GORASP1: variants seen among roughly 807,000 people sequenced by gnomAD.
GORASP1 encodes the protein golgi reassembly stacking protein 1, also known as Golgi reassembly-stacking protein 1.
In GORASP1, 31 loss-of-function variants were observed where a neutral mutation model predicts 37.7. The observed-to-expected ratio is 0.82, with a 90% CI of 0.62 to 1.11. The LOEUF (loss-of-function observed/expected upper bound fraction) is 1.11. GORASP1 is among the 50% of genes least tolerant of loss of function. GORASP1 has a pLI of 0.00. For synonymous variants in GORASP1, 204 were observed against 224.8 expected (o/e 0.91, Z 0.83); for missense variants, 476 against 560.7 (o/e 0.85, Z 1.53).
chr3:39,100,989 G>A lies in GORASP1; in HGVS notation c.435+27C>T, dbSNP rs768123536. 2 of 1,613,812 alleles carry A rather than the reference G, an allele frequency of 1.2e-6. No homozygotes were observed. The highest frequency in any genetic ancestry group is 1.7e-6 in the Non-Finnish European group (2 of 1,179,772). On this transcript the variant is annotated intron_variant, in intron 4 of 8. Transcript: ENST00000319283. The surrounding 1 kb of genome is among the most constrained non-coding windows in gnomAD (Gnocchi z 4.6). ...CTTCACACCACATCCAGAGGGTCTGGGGAGGGGCAAATTGCGGGTTCCTCA... is the reference window on the plus strand; with the variant it reads ...CTTCACACCACATCCAGAGGGTCTGAGGAGGGGCAAATTGCGGGTTCCTCA...
At chr3:39,099,814 G>A (rs1419918149) in intron 6 of GORASP1, among the ~76,000 whole-genome samples, 1 of 152,164 alleles carries the variant, frequency 6.6e-6, no homozygotes, top group East Asian at 1.9e-4. Context: ...TTAGAAGAGA[G>A]GGGCTTCCTT....
chr3:39,098,853 G>A lies in GORASP1; in HGVS notation c.957C>T (p.Ser319=). Residue 319 remains serine (S), a synonymous_variant, in exon 8 of 9, where the codon AGC becomes AGT. Transcript: ENST00000319283. The surrounding 1 kb of genome is among the most constrained non-coding windows in gnomAD (Gnocchi z 4.7). The part of the protein sequence containing the change: ...DVSGISLLDN[S]NASVWPSLPS... Reference sequence around the variant, plus strand: ...GCAGGCTGGGCCACACACTGGCATTGCTGTTGTCCAAGAGAGAAATTCCCG... The same window carrying A: ...GCAGGCTGGGCCACACACTGGCATTACTGTTGTCCAAGAGAGAAATTCCCG... The A allele has an allele frequency of 6.2e-7, 1 of 1,614,156 alleles. No homozygotes were observed. Among genetic ancestry groups the A allele is most frequent in the South Asian group, 1.1e-5 (1 of 91,076 alleles).
chr3:39,103,652 A>C lies in GORASP1; in HGVS notation c.64-99T>G. On this transcript the variant is annotated intron_variant, in intron 1 of 8. Transcript: ENST00000319283. This position sits in a 1 kb window ranked among gnomAD's most constrained non-coding sequence, Gnocchi z 5.2. The stretch of plus-strand genomic sequence containing the variant: ...GAACCATCAGCACTCCCAGTGTGCC[A>C]GCCAGAACACATGTCTGGCATGAAC... 1.5e-5 allele frequency: 12 copies of C among 821,262 alleles called. No individual in the cohort carries two copies. Among genetic ancestry groups the C allele is most frequent in the Non-Finnish European group, 2.1e-5 (11 of 517,064 alleles). 50.9% of individuals were successfully genotyped at this position (821,262 alleles called of 1,614,324 possible). A position where few individuals can be genotyped will look rare whatever the true frequency, so the allele number is the denominator to read the frequency against.
In GORASP1 at chr3:39,100,731, C is replaced by T; in HGVS notation, c.566+16G>A. 1 of 1,612,516 alleles carries T rather than the reference C, an allele frequency of 6.2e-7. No individual in the cohort carries two copies. The highest frequency in any genetic ancestry group is 8.5e-7 in the Non-Finnish European group (1 of 1,179,778). On this transcript the variant is annotated intron_variant, in intron 5 of 8. Coordinates refer to ENST00000319283, the MANE Select transcript of GORASP1 (RefSeq NM_031899.4). The surrounding 1 kb of genome is among the most constrained non-coding windows in gnomAD (Gnocchi z 4.6). ...CCACCCACCTGGCCCTGCAGCCCTCCAACCCCACGAAGTACCTGCCCTCTC... is the reference window on the plus strand; with the variant it reads ...CCACCCACCTGGCCCTGCAGCCCTCTAACCCCACGAAGTACCTGCCCTCTC...
chr3:39,104,794 G>C (rs762728464), intron 1 of GORASP1, among the ~76,000 whole-genome samples: 3 of 152,226 alleles, frequency 2.0e-5, no homozygotes, highest in Non-Finnish European at 4.4e-5. Context: ...GTGCGGCCCA[G>C]AAATCAGATC....
Position 39,102,536 on chromosome 3 carries a change from C to G in GORASP1, c.348+142G>C. 1 of 767,622 alleles carries G rather than the reference C, an allele frequency of 1.3e-6. No homozygotes were observed. The highest frequency in any genetic ancestry group is 2.7e-5 in the East Asian group (1 of 37,250). The allele number at this position is 767,622 out of a possible 1,614,324, so 47.6% of individuals were successfully genotyped here. On this transcript the variant is annotated intron_variant, in intron 3 of 8. Transcript: ENST00000319283. This position sits in a 1 kb window ranked among gnomAD's most constrained non-coding sequence, Gnocchi z 5.0. ...TGGGACACTGGAATGAGACCACATC[C>G]TGCCCTCAGTCTTCCCTGGCCACTG... is the stretch of plus-strand genomic sequence containing the variant.
intron 1 of GORASP1, chr3:39,107,278 G>C (rs1575475611): frequency 2.0e-6 from 1 of 506,758 alleles, no homozygotes; most frequent in Admixed American, 3.2e-5. Context: ...GACCGCGGCC[G>C]CGGACTAGCC....
In GORASP1 at chr3:39,098,815, T is replaced by A; in HGVS notation, c.995A>T (p.Glu332Val). 6.2e-7 allele frequency: 1 copy of A among 1,614,148 alleles called. No individual in the cohort carries two copies. Among genetic ancestry groups the A allele is most frequent in the East Asian group, 2.2e-5 (1 of 44,870 alleles). The change falls in exon 8 of 9, where the codon GAA becomes GTA. Residue 332 changes from glutamate to valine, a missense_variant. Physicochemically the swap from Glu to Val is moderately radical, Grantham distance 121. Transcript: ENST00000319283. This position sits in a 1 kb window ranked among gnomAD's most constrained non-coding sequence, Gnocchi z 4.7. ...SVWPSLPSST[E>V]LTTTAVSTSG... ...GGTTGAGACAGCTGTGGTGGTCAGTTCTGTGGAAGAGGGCAGGCTGGGCCA... is the reference window on the plus strand; with the variant it reads ...GGTTGAGACAGCTGTGGTGGTCAGTACTGTGGAAGAGGGCAGGCTGGGCCA...
intron 7 of GORASP1, 122 bp from the exon 8 acceptor site, chr3:39,099,015 CT>C: frequency 7.9e-7 from 1 of 1,268,920 alleles, no homozygotes; most frequent in Non-Finnish European, 1.1e-6. Flanking sequence ...TCCTCAGCCC[CT>C]GGTGATACCC....
In GORASP1 at chr3:39,097,851, A is replaced by G. The variant is rs1048158350; in HGVS notation, c.*385T>C. The G allele has an allele frequency of 4.2e-5, 8 of 190,388 alleles. No individual in the cohort carries two copies. The highest frequency in any genetic ancestry group is 7.5e-5 in the Non-Finnish European group (7 of 93,528). The allele number at this position is 190,388 out of a possible 1,614,324, so 11.8% of individuals were successfully genotyped here. A position where few individuals can be genotyped will look rare whatever the true frequency, so the allele number is the denominator to read the frequency against. On this transcript the variant is annotated 3_prime_UTR_variant, in exon 9 of 9. Transcript: ENST00000319283. ...CATGACAGAGGACTCAGTGTTTGGGACTTGAAAGGGGGTGGTCCCAGGGCT... is the reference window on the plus strand; with the variant it reads ...CATGACAGAGGACTCAGTGTTTGGGGCTTGAAAGGGGGTGGTCCCAGGGCT...
intron 3 of GORASP1, chr3:39,101,399 T>C (rs2035705429): frequency 5.3e-6 from 3 of 571,056 alleles, no homozygotes; most frequent in South Asian, 1.7e-5. Context: ...AAACACATTA[T>C]TGAACCTCTC....
rs1291941693 is a variant in GORASP1 at position 39,100,036 on chromosome 3, C to G, written c.765+269G>C. Among the ~76,000 whole-genome samples, 1 of 152,232 alleles carries G rather than the reference C, an allele frequency of 6.6e-6. No homozygotes were observed. Among genetic ancestry groups the G allele is most frequent in the African/African-American group, 2.4e-5 (1 of 41,462 alleles). ...GTTTTGCCACAACTCACAGGCACAG[C>G]AAGCACCCATCTCTGAGCCTCAGTT... On this transcript the variant is annotated intron_variant, in intron 6 of 8. Coordinates refer to ENST00000319283, the MANE Select transcript of GORASP1 (RefSeq NM_031899.4). The surrounding 1 kb of genome is among the most constrained non-coding windows in gnomAD (Gnocchi z 4.6).
At position 39,100,397 on chromosome 3, in the gene GORASP1, C is replaced by T. The variant is rs34652423; in HGVS notation, c.673G>A (p.Gly225Ser). 4.9e-5 allele frequency: 79 copies of T among 1,613,808 alleles called. No homozygotes were observed. The African/African-American group carries it at 1.0e-3, about 20-fold the overall frequency. Residue 225 changes from glycine (G) to serine (S), a missense_variant, in exon 6 of 9, where the codon GGT (glycine) becomes AGT (serine). Physicochemically the swap from Gly to Ser is moderately conservative, Grantham distance 56 (BLOSUM62 0). Transcript: ENST00000319283. This position sits in a 1 kb window ranked among gnomAD's most constrained non-coding sequence, Gnocchi z 4.6. ...GGTAGAGCATCAGGTGGTGGGGCAC[C>T]AAGTGGTAGAGCAGAAGGTGGTGGG... is the stretch of plus-strand genomic sequence containing the variant. The part of the protein sequence containing the change: ...GTPPPSALPL[G>S]APPPDALPPG...
chr3:39,099,528 G>T, intron 6 of GORASP1, 25 bp from the exon 7 acceptor site: 1 of 1,602,100 alleles, frequency 6.2e-7, no homozygotes, highest in African/African-American at 1.3e-5. Flanking sequence ...GAAATGGGTA[G>T]GGGACAATCA....
rs1308671456 is a variant in GORASP1, at chr3:39,099,434, C to T, written c.835G>A (p.Ala279Thr). ...TGGGGAAGTCCATCAGGGTCTGGAG[C>T]ACTGTGGCTGGGACTCCCAGGCCCA... ...LPGPGSPSHS[A>T]PDPDGLPHFM... Residue 279 changes from alanine (A) to threonine (T), a missense_variant, in exon 7 of 9, where the codon GCT becomes ACT. Transcript: ENST00000319283. The T allele has an allele frequency of 1.9e-6, 3 of 1,612,386 alleles. No homozygotes were observed. The highest frequency in any genetic ancestry group is 2.5e-6 in the Non-Finnish European group (3 of 1,179,322).
rs2035754061 is a variant in GORASP1, at chr3:39,102,078, C to T, written c.348+600G>A. On this transcript the variant is annotated intron_variant, in intron 3 of 8. Transcript: ENST00000319283. This position sits in a 1 kb window ranked among gnomAD's most constrained non-coding sequence, Gnocchi z 5.0. ...GTTGACTTCATTGTTGTGCAAACAT[C>T]ATAGAACTTAACCTACACATAGCCT... 9.4e-6 allele frequency among the ~76,000 whole-genome samples: 1 copy of T among 106,432 alleles called. No homozygotes were observed. The highest frequency in any genetic ancestry group is 7.9e-5 in the Admixed American group (1 of 12,618). 69.8% of individuals were successfully genotyped at this position (106,432 alleles called of 152,430 possible).
chr3:39,104,045 G>A (rs2035885817), intron 1 of GORASP1, among the ~76,000 whole-genome samples: 1 of 152,280 alleles, frequency 6.6e-6, no homozygotes, highest in South Asian at 2.1e-4. Flanking sequence ...TTGCAGCCAG[G>A]TCCCAGCTTG....
chr3:39,102,803 T>C lies in GORASP1; in HGVS notation c.223A>G (p.Lys75Glu), dbSNP rs1380829230. The C allele has an allele frequency of 6.2e-7, 1 of 1,614,070 alleles. No homozygotes were observed. The highest frequency in any genetic ancestry group is 8.5e-7 in the Non-Finnish European group (1 of 1,180,040). The change falls in exon 3 of 9, where the codon AAG becomes GAG. Residue 75 changes from lysine to glutamate, a missense_variant. Physicochemically the swap from Lys to Glu is moderately conservative, Grantham distance 56. Transcript: ENST00000319283. This position sits in a 1 kb window ranked among gnomAD's most constrained non-coding sequence, Gnocchi z 5.0. ...TCCACCTCGCGCACCCTCATGGTCT[T>C]CATATTGAACACCTCCAGCTTCACG... ...KPVKLEVFNM[K>E]TMRVREVEVV...
In GORASP1 at chr3:39,098,604, G is replaced by C. The variant is rs930932517; in HGVS notation, c.1070-115C>G. ...CCACTCCAGGTTTGATGGGGGATTG[G>C]AGATGGAGTGTACAAATGCCTTGGT... is the stretch of plus-strand genomic sequence containing the variant. On this transcript the variant is annotated intron_variant, in intron 8 of 8. Transcript: ENST00000319283. The surrounding 1 kb of genome is among the most constrained non-coding windows in gnomAD (Gnocchi z 4.7). The C allele has an allele frequency of 2.1e-5, 31 of 1,498,740 alleles. No homozygotes were observed. The highest frequency in any genetic ancestry group is 3.9e-5 in the Admixed American group (2 of 51,166). 92.8% of individuals were successfully genotyped at this position (1,498,740 alleles called of 1,614,324 possible). A position where few individuals can be genotyped will look rare whatever the true frequency, so the allele number is the denominator to read the frequency against.
Sources: allele counts gnomAD v4.1 joint callset (sites outside exome capture counted in the v4.1 genomes callset), GRCh38; gene constraint gnomAD v4.1.1; non-coding constraint Gnocchi (gnomAD v3.1); transcripts MANE v1.5; gene names NCBI Gene and HGNC (gene_info 2026-07-23, HGNC 2026-07-21).